Variants in RBX1 observed in about 807,000 individuals in gnomAD.
RBX1 encodes the protein E3 ubiquitin-protein ligase RBX1.
For missense variants in RBX1, 46 were observed against 141.4 expected (o/e 0.33, Z 3.42); for synonymous variants, 48 against 47.9 (o/e 1.00, Z -0.01).
intron 3 of RBX1, among the ~76,000 whole-genome samples, chr22:40,965,984 G>A (rs913007697): frequency 6.6e-6 from 1 of 152,194 alleles, no homozygotes; most frequent in Non-Finnish European, 1.5e-5. Flanking sequence ...GAGAGAGCCT[G>A]CCGTAGAAGA....
chr22:40,968,269 T>A (rs1311251064), intron 4 of RBX1, among the ~76,000 whole-genome samples: 1 of 152,008 alleles, frequency 6.6e-6, no homozygotes, highest in African/African-American at 2.4e-5. Context: ...TTTTGTATTT[T>A]TCGTAGAGAT....
chr22:40,959,548 C>T (rs1166809815), intron 2 of RBX1, among the ~76,000 whole-genome samples: 1 of 152,202 alleles, frequency 6.6e-6, no homozygotes, highest in Non-Finnish European at 1.5e-5. Flanking sequence ...CGGTGGCTCA[C>T]GCCTATAATC....
chr22:40,964,857 G>C (rs760321946), intron 3 of RBX1, among the ~76,000 whole-genome samples: 15 of 152,144 alleles, frequency 9.9e-5, no homozygotes, highest in Admixed American at 6.5e-5. Flanking sequence ...GCTAAGTGAC[G>C]TTAGGCAAGG....
intron 2 of RBX1, 82 bp from the exon 3 acceptor site, chr22:40,963,965 A>G: frequency 1.0e-6 from 1 of 979,650 alleles, no homozygotes. Context: ...CTAATTAACC[A>G]CTTGAGAATT....
intron 4 of RBX1, among the ~76,000 whole-genome samples, chr22:40,969,697 C>G (rs2058363444): frequency 1.3e-5 from 2 of 151,994 alleles, no homozygotes; most frequent in African/African-American, 4.8e-5. Flanking sequence ...CCAGCCTGGC[C>G]CACATGGTAA....
intron 2 of RBX1, among the ~76,000 whole-genome samples, chr22:40,963,732 C>G (rs1200499145): frequency 6.6e-6 from 1 of 151,960 alleles, no homozygotes; most frequent in Admixed American, 6.6e-5. Flanking sequence ...ACCTGTAGTC[C>G]CAGCTACTCA....
At chr22:40,955,200 A>G (rs2146297143) in intron 2 of RBX1, among the ~76,000 whole-genome samples, 1 of 151,248 alleles carries the variant, frequency 6.6e-6, no homozygotes, top group South Asian at 2.1e-4. Context: ...CTAACCCAGC[A>G]CTGTCCAATC....
chr22:40,968,023 T>G, intron 4 of RBX1, 139 bp downstream of exon 4: 1 of 541,386 alleles, frequency 1.8e-6, no homozygotes, highest in East Asian at 3.0e-5. Flanking sequence ...AGGACTTATC[T>G]ATATGGAAAA....
intron 4 of RBX1, among the ~76,000 whole-genome samples, chr22:40,971,089 C>T (rs1391930633): frequency 6.6e-6 from 1 of 152,220 alleles, no homozygotes; most frequent in African/African-American, 2.4e-5. Context: ...CTCTGCCCTA[C>T]AGCAGGCTCA....
In RBX1 at chr22:40,957,012, G is replaced by A. The variant is rs561426138; in HGVS notation, c.157+3379G>A. Among the ~76,000 whole-genome samples, 4 of 148,900 alleles carry A rather than the reference G, an allele frequency of 2.7e-5. No individual in the cohort carries two copies. The South Asian group carries it at 8.6e-4, about 32-fold the overall frequency. ...ATCGCGCCATTGCACTCCAGCCTGG[G>A]TGACAGAGTGAGACTCCATCTCAAC... On this transcript the variant is annotated intron_variant, in intron 2 of 4. Transcript: ENST00000216225.
At chr22:40,963,693 A>G (rs1341168099) in intron 2 of RBX1, among the ~76,000 whole-genome samples, 2 of 152,106 alleles carry the variant, frequency 1.3e-5, no homozygotes, top group Non-Finnish European at 2.9e-5. Context: ...TACAAAAAAT[A>G]CAAACAATTA....
intron 2 of RBX1, among the ~76,000 whole-genome samples, chr22:40,959,196 G>A (rs1047998576): frequency 6.6e-6 from 1 of 152,150 alleles, no homozygotes; most frequent in East Asian, 1.9e-4. Flanking sequence ...GTGGTACAGC[G>A]TTTTTATCAA....
At chr22:40,963,611 G>A (rs563846584) in intron 2 of RBX1, among the ~76,000 whole-genome samples, 1 of 152,108 alleles carries the variant, frequency 6.6e-6, no homozygotes, top group Non-Finnish European at 1.5e-5. Flanking sequence ...ACTTCAGCCT[G>A]GGCAACAAGA....
At chr22:40,960,786 T>G (rs1379163357) in intron 2 of RBX1, among the ~76,000 whole-genome samples, 1 of 152,028 alleles carries the variant, frequency 6.6e-6, no homozygotes, top group Non-Finnish European at 1.5e-5. Flanking sequence ...TAAGATGGAG[T>G]CTCGCTCTTT....
chr22:40,962,476 GT>G (rs1199883125), intron 2 of RBX1, among the ~76,000 whole-genome samples: 1 of 139,486 alleles, frequency 7.2e-6, no homozygotes, highest in African/African-American at 2.6e-5. Flanking sequence ...ATCTAGTTTT[GT>G]TTTTTTTAAT....
intron 4 of RBX1, 103 bp from the exon 5 acceptor site, chr22:40,972,373 C>A: frequency 1.2e-6 from 1 of 815,878 alleles, no homozygotes; most frequent in Non-Finnish European, 2.1e-6. Flanking sequence ...ACACTGTGAT[C>A]ACTTAGGTTC....
intron 4 of RBX1, among the ~76,000 whole-genome samples, chr22:40,970,949 C>T (rs961100359): frequency 2.0e-5 from 3 of 152,084 alleles, no homozygotes; most frequent in African/African-American, 4.8e-5. Context: ...TGCTAAGTAC[C>T]GTGTAAAATA....
chr22:40,951,797 A>G (rs1315719630), intron 1 of RBX1, among the ~76,000 whole-genome samples: 4 of 8,664 alleles, frequency 4.6e-4, no homozygotes, highest in African/African-American at 1.8e-3. Context: ...GGGGAAGGAC[A>G]GGGTAGGGTG....
At chr22:40,951,538 C>G (rs896434384) in intron 1 of RBX1, 62 bp downstream of exon 1, 1 of 1,525,166 alleles carries the variant, frequency 6.6e-7, no homozygotes, top group Non-Finnish European at 9.0e-7. Context: ...GCTGGCAGGC[C>G]CGAGGATGGT....
Sources: gnomAD v4.1 joint callset for allele counts (sites outside exome capture counted in the v4.1 genomes callset) on GRCh38, gnomAD v4.1.1 for gene constraint, MANE v1.5 for transcripts, NCBI Gene and HGNC (gene_info 2026-07-23, HGNC 2026-07-21) for gene names.